The following SPMIP2 variants were observed in gnomAD, a reference collection of about 807,000 sequenced individuals.
SPMIP2 encodes the protein sperm microtubule inner protein 2.
At chr4:158,986,864 A>G in the SPMIP2 span, among the ~76,000 whole-genome samples, 6 of 145,338 alleles carry the variant, frequency 4.1e-5, no homozygotes, top group Non-Finnish European at 9.1e-5. Flanking sequence ...ATGGGAGAAA[A>G]TTTTTGCAAC....
the SPMIP2 span, among the ~76,000 whole-genome samples, chr4:159,065,603 A>G: frequency 3.3e-5 from 5 of 152,188 alleles, no homozygotes; most frequent in African/African-American, 1.2e-4. Context: ...CTGTTGTCCC[A>G]TCTACTTGGG....
the SPMIP2 span, among the ~76,000 whole-genome samples, chr4:159,039,110 ACT>A: frequency 6.6e-6 from 1 of 152,054 alleles, no homozygotes; most frequent in Non-Finnish European, 1.5e-5. Flanking sequence ...CTCCAGAGTA[ACT>A]GAGACTACAG....
chr4:159,056,037 G>T, the SPMIP2 span, among the ~76,000 whole-genome samples: 1 of 152,172 alleles, frequency 6.6e-6, no homozygotes, highest in Admixed American at 6.5e-5. Context: ...TGCTCAAAAT[G>T]ATAACCAATG....
the SPMIP2 span, among the ~76,000 whole-genome samples, chr4:158,936,483 C>G: frequency 6.6e-6 from 1 of 152,222 alleles, no homozygotes; most frequent in Admixed American, 6.5e-5. Context: ...CCTCAACAAG[C>G]TGGTTTCCTT....
chr4:158,974,808 C>A, the SPMIP2 span, among the ~76,000 whole-genome samples: 1 of 152,092 alleles, frequency 6.6e-6, no homozygotes, highest in East Asian at 1.9e-4. Context: ...ATTTATAATT[C>A]TTTGGGTATA....
At chr4:158,917,954 G>A in the SPMIP2 span, among the ~76,000 whole-genome samples, 60 of 151,930 alleles carry the variant, frequency 3.9e-4, no homozygotes, top group Non-Finnish European at 1.5e-5. Context: ...CCTGACCTTA[G>A]GTGATCCACC....
the SPMIP2 span, among the ~76,000 whole-genome samples, chr4:158,976,519 C>T: frequency 6.6e-6 from 1 of 151,928 alleles, no homozygotes; most frequent in Non-Finnish European, 1.5e-5. Flanking sequence ...TTATGGAAGG[C>T]CTTTTCTGCA....
chr4:158,979,789 G>GTTTTTTTTTTTT, the SPMIP2 span, among the ~76,000 whole-genome samples: 4 of 104,508 alleles, frequency 3.8e-5, 1 homozygote, highest in African/African-American at 1.7e-4. Context: ...AGTTGCAAGA[G>GTTTTTTTTTTTT]TTTTTTTTTT....
At chr4:159,072,064 G>A in the SPMIP2 span, among the ~76,000 whole-genome samples, 2 of 152,242 alleles carry the variant, frequency 1.3e-5, no homozygotes, top group Non-Finnish European at 1.5e-5. Flanking sequence ...TGTAGTCCCA[G>A]CACTTTGGTA....
chr4:158,935,441 C>CA, the SPMIP2 span, among the ~76,000 whole-genome samples: 16 of 152,282 alleles, frequency 1.1e-4, no homozygotes, highest in East Asian at 3.1e-3. Context: ...TTGACTCCTT[C>CA]CCTCAGTAAA....
the SPMIP2 span, among the ~76,000 whole-genome samples, chr4:158,985,964 A>C: frequency 2.7e-5 from 4 of 148,426 alleles, no homozygotes; most frequent in Non-Finnish European, 6.0e-5. Flanking sequence ...ATGTACAAAA[A>C]TCACAAGCAT....
chr4:159,039,448 C>T, the SPMIP2 span, among the ~76,000 whole-genome samples: 1 of 152,150 alleles, frequency 6.6e-6, no homozygotes, highest in East Asian at 1.9e-4. Flanking sequence ...GTAAGAATGA[C>T]CCCCAGTTTT....
At chr4:158,950,086 C>T in the SPMIP2 span, among the ~76,000 whole-genome samples, 22 of 152,166 alleles carry the variant, frequency 1.4e-4, no homozygotes, top group Non-Finnish European at 2.6e-4. Context: ...CAGGAACTTG[C>T]AGTGTTCCGT....
the SPMIP2 span, chr4:159,007,587 G>C: frequency 1.8e-6 from 2 of 1,107,878 alleles, no homozygotes; most frequent in Non-Finnish European, 1.3e-6. Context: ...AAGCAAAGTG[G>C]AAGCTTTCCA....
chr4:159,036,041 G>C, the SPMIP2 span, among the ~76,000 whole-genome samples: 1 of 152,146 alleles, frequency 6.6e-6, no homozygotes, highest in African/African-American at 2.4e-5. Context: ...AGATGTTTGT[G>C]GGATGAATAA....
chr4:159,031,414 C>T, the SPMIP2 span, among the ~76,000 whole-genome samples: 3 of 152,208 alleles, frequency 2.0e-5, no homozygotes, highest in Admixed American at 2.0e-4. Context: ...ATTTCTGCTG[C>T]ATAACTGATC....
the SPMIP2 span, among the ~76,000 whole-genome samples, chr4:159,046,002 C>A: frequency 1.3e-5 from 2 of 152,176 alleles, no homozygotes; most frequent in African/African-American, 2.4e-5. Flanking sequence ...GTAATCCCAG[C>A]CCTTTGGAAA....
the SPMIP2 span, among the ~76,000 whole-genome samples, chr4:159,012,854 T>A: frequency 6.6e-6 from 1 of 152,188 alleles, no homozygotes; most frequent in Non-Finnish European, 1.5e-5. Context: ...ATTATAGGCA[T>A]GAGCCACTGC....
chr4:159,082,447 C>CTGTGTG, the SPMIP2 span, among the ~76,000 whole-genome samples: 3 of 50,546 alleles, frequency 5.9e-5, no homozygotes, highest in Admixed American at 1.9e-4. Context: ...TTCCACTTTT[C>CTGTGTG]TCTGTGTGTG....
Sources: allele counts gnomAD v4.1 joint callset (sites outside exome capture counted in the v4.1 genomes callset), GRCh38; gene constraint gnomAD v4.1.1; transcripts MANE v1.5; gene names NCBI Gene and HGNC (gene_info 2026-07-23, HGNC 2026-07-21).